DNAJC3: variants seen among roughly 807,000 people sequenced by gnomAD.
The protein encoded by DNAJC3 is dnaJ homolog subfamily C member 3.
A neutral mutation model predicts 68.6 loss-of-function variants in DNAJC3; 38 were observed. That is an observed-to-expected ratio of 0.55 (90% CI 0.43 to 0.73). The LOEUF (loss-of-function observed/expected upper bound fraction) is 0.73. Among genes scored for constraint, DNAJC3 ranks in the 30% least tolerant of loss-of-function variants. DNAJC3 has a pLI of 0.00. For missense variants in DNAJC3, 526 were observed against 591.9 expected, an observed-to-expected ratio of 0.89 and a Z score of 1.16; for synonymous variants, 203 against 204.0, an observed-to-expected ratio of 1.00 and a Z score of 0.04.
At chr13:95,691,731 C>A (rs574503298) in intron 1 of DNAJC3, among the ~76,000 whole-genome samples, 5 of 152,140 alleles carry the variant, frequency 3.3e-5, no homozygotes, top group African/African-American at 1.2e-4. Context: ...TGTAGCGAGC[C>A]GAGATCACGC....
intron 4 of DNAJC3, among the ~76,000 whole-genome samples, chr13:95,730,022 G>T (rs1881662435): frequency 6.6e-6 from 1 of 152,048 alleles, no homozygotes; most frequent in Non-Finnish European, 1.5e-5. Flanking sequence ...TTGAGTTGGG[G>T]TCTCTGTCAC....
chr13:95,680,241 T>G (rs1305736279), intron 1 of DNAJC3, among the ~76,000 whole-genome samples: 1 of 152,238 alleles, frequency 6.6e-6, no homozygotes, highest in Non-Finnish European at 1.5e-5. Flanking sequence ...CATAGTTTTA[T>G]CTCTTTTTCT....
intron 1 of DNAJC3, among the ~76,000 whole-genome samples, chr13:95,708,203 C>T (rs888215965): frequency 2.0e-5 from 3 of 152,152 alleles, no homozygotes; most frequent in African/African-American, 7.2e-5. Context: ...CTTCAGTGCC[C>T]TGTACTGACA....
rs1444778806 is a variant in DNAJC3 at position 95,705,275 on chromosome 13, G to A, written c.83-3952G>A. Among the ~76,000 whole-genome samples, 3 of 152,122 alleles carry A rather than the reference G, an allele frequency of 2.0e-5. No homozygotes were observed. In the East Asian group the frequency reaches 5.8e-4, roughly 29 times the overall value. On this transcript the variant is annotated intron_variant, in intron 1 of 11. Coordinates refer to ENST00000602402, the MANE Select transcript of DNAJC3 (RefSeq NM_006260.5). ...AGGTTGAGTGCCACCCATAGAGTATGTCATTTTATCTACCTGATTATTAAG... is the reference window on the plus strand; with the variant it reads ...AGGTTGAGTGCCACCCATAGAGTATATCATTTTATCTACCTGATTATTAAG...
Position 95,709,319 on chromosome 13 carries a change from C to G in DNAJC3, c.175C>G (p.Gln59Glu). The change falls in exon 2 of 12, where the codon CAG becomes GAG. Residue 59 changes from glutamine to glutamate, a missense_variant. Coordinates refer to ENST00000602402, the MANE Select transcript of DNAJC3 (RefSeq NM_006260.5). The part of the protein sequence containing the change: ...AAGQLADALS[Q>E]FHAAVDGDPD... ...TGGACAGCTAGCTGATGCTTTATCT[C>G]AGTTTCATGCTGCCGTAGGTTTGTA... 1 of 1,587,864 alleles carries G rather than the reference C, an allele frequency of 6.3e-7. No individual in the cohort carries two copies. The highest frequency in any genetic ancestry group is 8.6e-7 in the Non-Finnish European group (1 of 1,168,796).
rs934862844 is a variant in DNAJC3 at position 95,792,230 on chromosome 13, A to T, written c.*1200A>T. On this transcript the variant is annotated 3_prime_UTR_variant, in exon 12 of 12. Coordinates refer to ENST00000602402, the MANE Select transcript of DNAJC3 (RefSeq NM_006260.5). ...TGAGATATGTTCTTCTTACCTTTTA[A>T]GAAGATACTATTTAAGAAGTGAACT... is the stretch of plus-strand genomic sequence containing the variant. 6.6e-6 allele frequency: 1 copy of T among 152,250 alleles called. No individual in the cohort carries two copies. Among genetic ancestry groups the T allele is most frequent in the Non-Finnish European group, 1.5e-5 (1 of 68,042 alleles). The allele number at this position is 152,250 out of a possible 1,614,324, so 9.4% of individuals were successfully genotyped here.
At position 95,793,155 on chromosome 13, in the gene DNAJC3, C is replaced by T. The variant is rs1197240740; in HGVS notation, c.*2125C>T. 6.6e-6 allele frequency: 1 copy of T among 152,244 alleles called. No individual in the cohort carries two copies. The highest frequency in any genetic ancestry group is 2.4e-5 in the African/African-American group (1 of 41,462). The allele number at this position is 152,244 out of a possible 1,614,324, so 9.4% of individuals were successfully genotyped here. On this transcript the variant is annotated 3_prime_UTR_variant, in exon 12 of 12. Coordinates refer to ENST00000602402, the MANE Select transcript of DNAJC3 (RefSeq NM_006260.5). Reference sequence around the variant, plus strand: ...TCTTAACTGACCTGCAGTTACTTGCCTGTTTTCAGTGAAGAGAGAGAAGCA... The same window carrying T: ...TCTTAACTGACCTGCAGTTACTTGCTTGTTTTCAGTGAAGAGAGAGAAGCA...
chr13:95,787,020 C>A lies in DNAJC3; in HGVS notation c.1222C>A (p.Gln408Lys), dbSNP rs1265369317. 1 of 1,606,636 alleles carries A rather than the reference C, an allele frequency of 6.2e-7. No individual in the cohort carries two copies. The highest frequency in any genetic ancestry group is 1.3e-5 in the African/African-American group (1 of 74,278). Residue 408 changes from glutamine to lysine, a missense_variant, in exon 11 of 12, where the codon CAA (glutamine) becomes AAA (lysine). Physicochemically the swap from Gln to Lys is moderately conservative, Grantham distance 53. Coordinates refer to ENST00000602402, the MANE Select transcript of DNAJC3 (RefSeq NM_006260.5). ...ACCACCCCTCAGAAATGCCAAAAAG[C>A]AAGAAATTATTAAAGCATACCGAAA... The part of the protein sequence containing the change: ...ILGVKRNAKK[Q>K]EIIKAYRKLA...
intron 9 of DNAJC3, among the ~76,000 whole-genome samples, chr13:95,773,345 A>AT (rs1187056571): frequency 6.6e-6 from 1 of 150,798 alleles, no homozygotes; most frequent in Non-Finnish European, 1.5e-5. Flanking sequence ...TAGTTTTTGT[A>AT]TTTTTTGTAG....
chr13:95,753,774 A>C (rs867122912), intron 4 of DNAJC3, among the ~76,000 whole-genome samples: 1 of 152,190 alleles, frequency 6.6e-6, no homozygotes, highest in Non-Finnish European at 1.5e-5. Context: ...AGTACTTGCT[A>C]TGTGTTACAT....
At chr13:95,786,206 C>A in intron 10 of DNAJC3, 135 bp downstream of exon 10, 2 of 978,218 alleles carry the variant, frequency 2.0e-6, no homozygotes, top group Non-Finnish European at 1.4e-6. Flanking sequence ...CCTTAACAGT[C>A]TTTAACATTA....
chr13:95,715,040 T>A (rs192053576), intron 2 of DNAJC3, among the ~76,000 whole-genome samples: 2 of 152,266 alleles, frequency 1.3e-5, no homozygotes, highest in Admixed American at 1.3e-4. Context: ...AACATGGCAA[T>A]TTATTGGTGT....
rs183466270 is a variant in DNAJC3, at chr13:95,683,664, C to G, written c.82+6327C>G. Among the ~76,000 whole-genome samples the G allele has an allele frequency of 4.2e-3, 638 of 152,002 alleles. 1 individual carries two copies. Among genetic ancestry groups the G allele is most frequent in the Admixed American group, 6.9e-3 (105 of 15,272 alleles). On this transcript the variant is annotated intron_variant, in intron 1 of 11. Coordinates refer to ENST00000602402, the MANE Select transcript of DNAJC3 (RefSeq NM_006260.5). ...AGTTCCGGCTGGGCACTGTGGCTCA[C>G]GCCTGTAATCCCAGCACTTTGGGAG...
chr13:95,720,654 T>C (rs1403980444), intron 2 of DNAJC3, among the ~76,000 whole-genome samples: 3 of 152,220 alleles, frequency 2.0e-5, no homozygotes, highest in Non-Finnish European at 4.4e-5. Context: ...TCCTACTCTT[T>C]CCTCAAGTTA....
chr13:95,765,207 C>T (rs1012370247), intron 9 of DNAJC3, among the ~76,000 whole-genome samples: 2 of 152,126 alleles, frequency 1.3e-5, no homozygotes, highest in Admixed American at 1.3e-4. Context: ...ATGTAGTCCA[C>T]ATAGAAAATC....
intron 2 of DNAJC3, among the ~76,000 whole-genome samples, chr13:95,715,483 CT>C (rs374834820): frequency 2.2e-3 from 305 of 138,956 alleles, no homozygotes; most frequent in Admixed American, 2.3e-3. Context: ...GTTTCTTTTT[CT>C]TTTTTTTTTT....
chr13:95,748,168 A>T (rs1882364237), intron 4 of DNAJC3, among the ~76,000 whole-genome samples: 1 of 152,274 alleles, frequency 6.6e-6, no homozygotes, highest in South Asian at 2.1e-4. Context: ...GTTCCATGAG[A>T]TCCAAATATA....
At chr13:95,718,293 T>G (rs564471821) in intron 2 of DNAJC3, among the ~76,000 whole-genome samples, 2 of 152,380 alleles carry the variant, frequency 1.3e-5, no homozygotes, top group East Asian at 3.9e-4. Context: ...TTGTTTCACT[T>G]GCTACTTCAT....
chr13:95,763,565 G>C, intron 7 of DNAJC3, 78 bp from the exon 8 acceptor site: 1 of 1,371,396 alleles, frequency 7.3e-7, no homozygotes, highest in Non-Finnish European at 1.0e-6. Context: ...GCAACACATG[G>C]TGAAGAGGGG....
Sources: gnomAD v4.1 joint callset for allele counts (sites outside exome capture counted in the v4.1 genomes callset) on GRCh38, gnomAD v4.1.1 for gene constraint, MANE v1.5 for transcripts, NCBI Gene and HGNC (gene_info 2026-07-23, HGNC 2026-07-21) for gene names.